Variants in DPP10 observed in about 807,000 individuals in gnomAD.
DPP10 encodes the protein inactive dipeptidyl peptidase 10.
A neutral mutation model predicts 120.9 loss-of-function variants in DPP10; 33 were observed. The ratio of observed to expected loss-of-function variants is 0.27; its 90% CI spans 0.21 to 0.37. DPP10 has a LOEUF of 0.37. Among genes scored for constraint, DPP10 ranks in the 10% least tolerant of loss-of-function variants. The pLI is 1.00. For synonymous variants in DPP10, 337 were observed against 326.1 expected (o/e 1.03, Z -0.36); for missense variants, 816 against 942.8 (o/e 0.87, Z 1.76).
At chr2:114,697,839 A>G (rs1700161010) in intron 1 of DPP10, among the ~76,000 whole-genome samples, 1 of 151,704 alleles carries the variant, frequency 6.6e-6, no homozygotes, top group Non-Finnish European at 1.5e-5. Flanking sequence ...TTTGCTCTCT[A>G]TTATCTATAA....
chr2:115,003,534 C>G (rs1450653003), intron 1 of DPP10, among the ~76,000 whole-genome samples: 2 of 147,470 alleles, frequency 1.4e-5, no homozygotes, highest in Non-Finnish European at 3.0e-5. Flanking sequence ...CAAAAACGAC[C>G]AAAAAAAAAC....
At chr2:115,163,038 C>A (rs146297445) in intron 1 of DPP10, among the ~76,000 whole-genome samples, 1 of 152,056 alleles carries the variant, frequency 6.6e-6, no homozygotes, top group African/African-American at 2.4e-5. Context: ...TGTGGACCCG[C>A]GGGACCCAAG....
intron 1 of DPP10, among the ~76,000 whole-genome samples, chr2:114,656,162 G>A (rs1003339234): frequency 6.6e-6 from 1 of 152,140 alleles, no homozygotes; most frequent in Non-Finnish European, 1.5e-5. Flanking sequence ...AGTCCATTGA[G>A]CTAGTCAAAA....
intron 1 of DPP10, among the ~76,000 whole-genome samples, chr2:115,101,679 C>T (rs907126216): frequency 1.3e-5 from 2 of 152,152 alleles, no homozygotes; most frequent in African/African-American, 2.4e-5. Flanking sequence ...AGTAGTGCTG[C>T]ACTTTGTCTT....
intron 1 of DPP10, among the ~76,000 whole-genome samples, chr2:115,190,296 A>G (rs534711951): frequency 3.3e-5 from 5 of 152,208 alleles, no homozygotes; most frequent in South Asian, 4.1e-4. Context: ...AATAGCATCT[A>G]TGTAAACATG....
intron 3 of DPP10, among the ~76,000 whole-genome samples, chr2:115,481,420 C>A (rs2075419381): frequency 6.6e-6 from 1 of 152,116 alleles, no homozygotes; most frequent in Non-Finnish European, 1.5e-5. Flanking sequence ...CTTAAGGAAG[C>A]AGTATAAGCA....
intron 1 of DPP10, among the ~76,000 whole-genome samples, chr2:114,506,202 C>A (rs943381337): frequency 6.6e-6 from 1 of 152,136 alleles, no homozygotes; most frequent in Non-Finnish European, 1.5e-5. Context: ...CCCATAAAAA[C>A]CCCAGAACTC....
rs114097574 is a variant in DPP10 at position 115,721,839 on chromosome 2, A to C, written c.577-5977A>C. Among the ~76,000 whole-genome samples the C allele has an allele frequency of 8.4e-3, 1,286 of 152,334 alleles. 16 individuals are homozygous for C. The highest frequency in any genetic ancestry group is 0.03 in the African/African-American group (1,238 of 41,560). ...TGCAGCCCTATTCACAATAGCCAGG[A>C]TGTAGAAACAGTCTCAATGTCCATC... On this transcript the variant is annotated intron_variant, in intron 7 of 25. Transcript: ENST00000410059.
chr2:115,127,052 A>T (rs576878996), intron 1 of DPP10, among the ~76,000 whole-genome samples: 1 of 152,202 alleles, frequency 6.6e-6, no homozygotes, highest in Non-Finnish European at 1.5e-5. Context: ...TAAAGGATGG[A>T]AAAGTCTAGT....
rs1373727626 is a variant in DPP10 at position 115,772,142 on chromosome 2, CCT to C, written c.1221+3739_1221+3740del. ...TTTTATGTAAACTACAGTATTGCAT[CCT>C]GATATGTCAAATTTAAATTTTAAAT... On this transcript the variant is annotated intron_variant, in intron 13 of 25. Coordinates refer to ENST00000410059, the MANE Select transcript of DPP10 (RefSeq NM_020868.6). Among the ~76,000 whole-genome samples, 3 of 151,996 alleles carry C rather than the reference CCT, an allele frequency of 2.0e-5. No homozygotes were observed. In the East Asian group the frequency reaches 5.8e-4, roughly 29 times the overall value.
At chr2:115,087,540 T>C (rs1427906703) in intron 1 of DPP10, among the ~76,000 whole-genome samples, 6 of 132,284 alleles carry the variant, frequency 4.5e-5, no homozygotes, top group Non-Finnish European at 6.5e-5. Flanking sequence ...TTTCTTTTCT[T>C]TTTTTTTTTT....
intron 2 of DPP10, chr2:115,342,179 T>TTATG (rs763207256): frequency 4.4e-6 from 2 of 454,900 alleles, no homozygotes; most frequent in Admixed American, 2.4e-5. Flanking sequence ...CTGACATCTA[T>TTATG]TATGTATGTA....
chr2:115,498,319 TG>T (rs1182681780), intron 3 of DPP10, among the ~76,000 whole-genome samples: 1 of 152,154 alleles, frequency 6.6e-6, no homozygotes, highest in Non-Finnish European at 1.5e-5. Context: ...AAATTGTACG[TG>T]TAACTATTAA....
chr2:115,304,145 C>T (rs1026406077), intron 1 of DPP10, among the ~76,000 whole-genome samples: 50 of 151,972 alleles, frequency 3.3e-4, no homozygotes, highest in African/African-American at 1.2e-3. Context: ...AACTAAAAGA[C>T]AGTTCAAACT....
chr2:115,118,803 T>TG (rs1448285570), intron 1 of DPP10, among the ~76,000 whole-genome samples: 7 of 147,806 alleles, frequency 4.7e-5, no homozygotes, highest in African/African-American at 1.8e-4. Context: ...TTAGTAGAGA[T>TG]GGGGTTTCAC....
At chr2:114,554,581 T>G (rs1422081645) in intron 1 of DPP10, among the ~76,000 whole-genome samples, 1 of 152,140 alleles carries the variant, frequency 6.6e-6, no homozygotes, top group Non-Finnish European at 1.5e-5. Flanking sequence ...AGGCTCTCAG[T>G]GCTACCCTAC....
chr2:115,638,348 A>C (rs1298364874), intron 5 of DPP10, among the ~76,000 whole-genome samples: 1 of 152,194 alleles, frequency 6.6e-6, no homozygotes, highest in African/African-American at 2.4e-5. Context: ...GGTGATGGCC[A>C]ACCATGCAGT....
intron 1 of DPP10, among the ~76,000 whole-genome samples, chr2:115,106,665 G>C (rs1559102613): frequency 6.6e-6 from 1 of 151,782 alleles, no homozygotes; most frequent in Non-Finnish European, 1.5e-5. Context: ...GTTTTGCCTT[G>C]TTGCCCAGGT....
intron 1 of DPP10, among the ~76,000 whole-genome samples, chr2:115,003,969 G>GTAGTTAC (rs1701633007): frequency 1.3e-5 from 2 of 152,182 alleles, no homozygotes; most frequent in South Asian, 4.1e-4. Flanking sequence ...CTATACATAT[G>GTAGTTAC]TAGTTATTAG....
Sources: allele counts gnomAD v4.1 joint callset (sites outside exome capture counted in the v4.1 genomes callset), GRCh38; gene constraint gnomAD v4.1.1; transcripts MANE v1.5; gene names NCBI Gene and HGNC (gene_info 2026-07-23, HGNC 2026-07-21).